MINDY1: variants seen among roughly 807,000 people sequenced by gnomAD.
MINDY1 encodes ubiquitin carboxyl-terminal hydrolase MINDY-1.
MINDY1 carries 50 observed loss-of-function variants against 53.6 expected under a neutral mutation model. The ratio of observed to expected loss-of-function variants is 0.93; its 90% CI spans 0.74 to 1.18. MINDY1 has a LOEUF of 1.18. Ranked by LOEUF, MINDY1 falls within the 50% of genes most tolerant of loss-of-function variation. The pLI is 0.00. For synonymous variants in MINDY1, 231 were observed against 234.7 expected (o/e 0.98, Z 0.14); for missense variants, 484 against 578.6 (o/e 0.84, Z 1.68).
In MINDY1 at chr1:151,002,394, G is replaced by GAGCT; in HGVS notation, c.220_223dup (p.Ser75Ter). 1 of 1,614,158 alleles carries GAGCT rather than the reference G, an allele frequency of 6.2e-7. No homozygotes were observed. Among genetic ancestry groups the GAGCT allele is most frequent in the Non-Finnish European group, 8.5e-7 (1 of 1,180,016 alleles). On this transcript the variant is annotated stop_gained and frameshift_variant, in exon 2 of 10. Coordinates refer to ENST00000683666, the MANE Select transcript of MINDY1 (RefSeq NM_001376665.1). LOFTEE classifies it high-confidence loss of function. This position sits in a 1 kb window ranked among gnomAD's most constrained non-coding sequence, Gnocchi z 4.1. Reference sequence around the variant, plus strand: ...CCCAAGGGTTGGCCCCGGTGGAGCTGAGCTAGCTTCAGGCAGAGGGGACTC... The same window carrying GAGCT: ...CCCAAGGGTTGGCCCCGGTGGAGCTGAGCTAGCTAGCTTCAGGCAGAGGGGACTC...
chr1:150,998,190 T>A lies in MINDY1; in HGVS notation c.1065A>T (p.Gly355=), dbSNP rs762375627. The part of the protein sequence containing the change: ...VVWESLHNVD[G]DSCFCDSDFH... ...AGTCAGAGTCACAAAAGCAGCTGTC[T>A]CCATCCACATTGTGCAGGCTCTCCC... Residue 355 remains glycine (G), a synonymous_variant, in exon 8 of 10, where the codon GGA becomes GGT. Transcript: ENST00000683666. The A allele has an allele frequency of 2.3e-4, 366 of 1,614,060 alleles. No homozygotes were observed. The highest frequency in any genetic ancestry group is 3.0e-4 in the Non-Finnish European group (349 of 1,180,056).
upstream of MINDY1, among the ~76,000 whole-genome samples, chr1:151,007,079 A>C (rs1211453367): frequency 6.6e-6 from 1 of 152,204 alleles, no homozygotes; most frequent in Non-Finnish European, 1.5e-5. Context: ...TGTTAAAAAC[A>C]AACAAACAAA....
At chr1:151,004,284 G>T (rs1423923605) in intron 1 of MINDY1, among the ~76,000 whole-genome samples, 1 of 152,124 alleles carries the variant, frequency 6.6e-6, no homozygotes, top group Non-Finnish European at 1.5e-5. Flanking sequence ...ATCAGCACTG[G>T]AGGCACATTG....
In MINDY1 at chr1:150,998,176, CA is replaced by C. The variant is rs766436951; in HGVS notation, c.1078del (p.Cys360ValfsTer7). 1 of 1,614,204 alleles carries C rather than the reference CA, an allele frequency of 6.2e-7. No homozygotes were observed. The highest frequency in any genetic ancestry group is 8.5e-7 in the Non-Finnish European group (1 of 1,180,052). The part of the protein sequence containing the change: ...LHNVDGDSCF[C>X]DSDFHLSHSL... Reference sequence around the variant, plus strand: ...ATGACTCAGGTGAAAGTCAGAGTCACAAAAGCAGCTGTCTCCATCCACATTG... The same window carrying C: ...ATGACTCAGGTGAAAGTCAGAGTCACAAAGCAGCTGTCTCCATCCACATTG... On this transcript the variant is annotated frameshift_variant, in exon 8 of 10. Coordinates refer to ENST00000683666, the MANE Select transcript of MINDY1 (RefSeq NM_001376665.1). LOFTEE classifies it high-confidence loss of function.
At chr1:151,000,082 A>T in intron 5 of MINDY1, 118 bp from the exon 6 acceptor site, 1 of 690,874 alleles carries the variant, frequency 1.4e-6, no homozygotes, top group East Asian at 2.8e-5. Flanking sequence ...GTTCCTAAAC[A>T]CTTTTTTTTT....
intron 5 of MINDY1, among the ~76,000 whole-genome samples, chr1:151,000,199 G>A (rs1309660869): frequency 1.3e-5 from 2 of 152,046 alleles, no homozygotes; most frequent in Non-Finnish European, 2.9e-5. Context: ...ATACAGGCAT[G>A]TGCCACCAAA....
At position 150,999,636 on chromosome 1, in the gene MINDY1, T is replaced by A; in HGVS notation, c.839-125A>T. On this transcript the variant is annotated intron_variant, in intron 6 of 9. Transcript: ENST00000683666. This position sits in a 1 kb window ranked among gnomAD's most constrained non-coding sequence, Gnocchi z 4.4. Reference sequence around the variant, plus strand: ...AGTCCCACCTTCTGACGTCCCTTTCTTGAAACCTGGCTGTATTCATTCACT... The same window carrying A: ...AGTCCCACCTTCTGACGTCCCTTTCATGAAACCTGGCTGTATTCATTCACT... 1.5e-6 allele frequency: 2 copies of A among 1,303,308 alleles called. No homozygotes were observed. 80.7% of individuals were successfully genotyped at this position (1,303,308 alleles called of 1,614,324 possible).
intron 1 of MINDY1, chr1:151,006,056 C>G: frequency 9.0e-6 from 14 of 1,549,330 alleles, no homozygotes; most frequent in Non-Finnish European, 1.2e-5. Flanking sequence ...ATTTTCATCT[C>G]AGAATATGTC....
rs763571453 is a variant in MINDY1, at chr1:151,000,117, T to A, written c.736-153A>T. ...TTTGGTCTCTCAAAAAAGAAAAAAA[T>A]TTCAGGAACCATTCATCATAGGGTT... is the stretch of plus-strand genomic sequence containing the variant. On this transcript the variant is annotated intron_variant, in intron 5 of 9. Transcript: ENST00000683666. The A allele has an allele frequency of 2.5e-5, 5 of 202,874 alleles. No individual in the cohort carries two copies. In the South Asian group the frequency reaches 5.2e-4, roughly 21 times the overall value. 12.6% of individuals were successfully genotyped at this position (202,874 alleles called of 1,614,324 possible).
rs767625772 is a variant in MINDY1, at chr1:150,997,325, G to A, written c.1372C>T (p.Gln458Ter). The change falls in exon 10 of 10, where the codon CAG becomes TAG. Residue 458 changes from glutamine to a stop codon, truncating the protein, a stop_gained. Transcript: ENST00000683666. LOFTEE classifies it high-confidence loss of function. ...TSGRPAGERR[Q>*]RPKHESDCIL... is the part of the protein sequence containing the mutation. ...CAGTCTGACTCGTGCTTCGGCCTCT[G>A]CCGACGCTCCCCGGCTGGGCGTCCA... is the stretch of plus-strand genomic sequence containing the variant. 1.2e-6 allele frequency: 2 copies of A among 1,601,464 alleles called. No homozygotes were observed. Among genetic ancestry groups the A allele is most frequent in the South Asian group, 2.2e-5 (2 of 88,972 alleles).
chr1:151,005,958 C>T (rs1227016708), intron 1 of MINDY1: 2 of 1,104,446 alleles, frequency 1.8e-6, no homozygotes, highest in African/African-American at 1.6e-5. Context: ...CAAGAAGACA[C>T]TCCTTCTCTG....
At chr1:151,001,200 G>T in intron 4 of MINDY1, 50 bp downstream of exon 4, 2 of 1,565,998 alleles carry the variant, frequency 1.3e-6, no homozygotes, top group Non-Finnish European at 1.8e-6. Flanking sequence ...ATTACAAGAT[G>T]TCCCCTTACA....
Position 151,000,624 on chromosome 1 carries a change from A to G in MINDY1, c.577-9T>C. 6.3e-7 allele frequency: 1 copy of G among 1,599,978 alleles called. No individual in the cohort carries two copies. Among genetic ancestry groups the G allele is most frequent in the Non-Finnish European group, 8.5e-7 (1 of 1,173,976 alleles). On this transcript the variant is annotated splice_polypyrimidine_tract_variant and intron_variant, in intron 4 of 9. Transcript: ENST00000683666. ...ATTGCATCATCCACATTCTGGGGGT[A>G]GAAAAAAAAATGATGGAGATTCTAG... is the stretch of plus-strand genomic sequence containing the variant.
At chr1:151,008,220 C>A, upstream of MINDY1, 1 of 1,109,682 alleles carries the variant, frequency 9.0e-7, no homozygotes, top group Non-Finnish European at 1.1e-6. Flanking sequence ...GTTCAGATGC[C>A]ACAATAATGG....
chr1:151,006,764 G>T lies in MINDY1; in HGVS notation c.-542C>A, dbSNP rs749728344. The T allele has an allele frequency of 4.3e-5, 42 of 985,644 alleles. No homozygotes were observed. Among genetic ancestry groups the T allele is most frequent in the Non-Finnish European group, 4.9e-5 (41 of 830,072 alleles). 61.1% of individuals were successfully genotyped at this position (985,644 alleles called of 1,614,324 possible). A position where few individuals can be genotyped will look rare whatever the true frequency, so the allele number is the denominator to read the frequency against. Reference sequence around the variant, plus strand: ...AGGAGGGGCCTGCCCAGCGCTGGTGGATTTCCATCAGGACTTTCTGACCCG... The same window carrying T: ...AGGAGGGGCCTGCCCAGCGCTGGTGTATTTCCATCAGGACTTTCTGACCCG... On this transcript the variant is annotated 5_prime_UTR_variant, in exon 1 of 10. Coordinates refer to ENST00000683666, the MANE Select transcript of MINDY1 (RefSeq NM_001376665.1).
chr1:151,000,655 TCTCCCACCACTCCA>T (rs1274103152), intron 4 of MINDY1, 40 bp from the exon 5 acceptor site: 1 of 1,582,982 alleles, frequency 6.3e-7, no homozygotes, highest in Non-Finnish European at 8.6e-7. Flanking sequence ...TCTAGCCTTC[TCTCCCACCACTCCA>T]CTCCCACCTG....
chr1:150,998,952 T>A (rs1672201196), intron 7 of MINDY1, among the ~76,000 whole-genome samples: 2 of 152,172 alleles, frequency 1.3e-5, no homozygotes. Context: ...GTTTAAAAAT[T>A]CCACTGCCCC....
chr1:151,004,766 TA>T (rs1419367425), intron 1 of MINDY1, among the ~76,000 whole-genome samples: 5 of 149,888 alleles, frequency 3.3e-5, no homozygotes, highest in Admixed American at 2.7e-4. Flanking sequence ...TAAAATAAAA[TA>T]AAATAAAATA....
Position 151,006,683 on chromosome 1 carries a change from CTT to C in MINDY1, c.-463_-462del. The stretch of plus-strand genomic sequence containing the variant: ...GTGGTTTTTCTTTTCTTCTCTCTCT[CTT>C]TTTTGTTCTCATCAGGACGAAGAAA... On this transcript the variant is annotated 5_prime_UTR_variant, in exon 1 of 10. An upstream open reading frame in the 5' UTR gains an earlier in-frame stop. Coordinates refer to ENST00000683666, the MANE Select transcript of MINDY1 (RefSeq NM_001376665.1). The C allele has an allele frequency of 1.0e-6, 1 of 985,990 alleles. No individual in the cohort carries two copies. The highest frequency in any genetic ancestry group is 1.2e-6 in the Non-Finnish European group (1 of 830,314). The allele number at this position is 985,990 out of a possible 1,614,324, so 61.1% of individuals were successfully genotyped here.
Sources: gnomAD v4.1 joint callset for allele counts (sites outside exome capture counted in the v4.1 genomes callset) on GRCh38, gnomAD v4.1.1 for gene constraint, Gnocchi (gnomAD v3.1) non-coding constraint, MANE v1.5 for transcripts, NCBI Gene and HGNC (gene_info 2026-07-23, HGNC 2026-07-21) for gene names.